Variants in PCDHGA4 observed in about 807,000 individuals in gnomAD.
PCDHGA4 encodes the protein protocadherin gamma subfamily A, 4.
PCDHGA4 carries 38 observed loss-of-function variants against 54.6 expected under a neutral mutation model. That is an observed-to-expected ratio of 0.70 (90% CI 0.54 to 0.91). PCDHGA4 has a LOEUF of 0.91. Ranked by LOEUF, PCDHGA4 falls within the 40% of genes least tolerant of loss-of-function variation. The pLI is 0.00. For synonymous variants in PCDHGA4, 511 were observed against 512.9 expected, an observed-to-expected ratio of 1.00 and a Z score of 0.05; for missense variants, 1,298 against 1,220.9, an observed-to-expected ratio of 1.06 and a Z score of -0.94.
chr5:141,497,892 C>T (rs2099780275), intron 2 of PCDHGA4, among the ~76,000 whole-genome samples: 1 of 152,138 alleles, frequency 6.6e-6, no homozygotes, highest in Admixed American at 6.6e-5. Flanking sequence ...AGGATCTAGT[C>T]CAGTAACTTC....
chr5:141,462,617 T>C (rs1413543706), intron 1 of PCDHGA4, among the ~76,000 whole-genome samples: 1 of 151,850 alleles, frequency 6.6e-6, no homozygotes, highest in East Asian at 1.9e-4. Context: ...TTTTCACTTT[T>C]AGAAGTTCCA....
chr5:141,404,466 TCTCTATTAA>T, intron 1 of PCDHGA4: 5 of 1,613,558 alleles, frequency 3.1e-6, no homozygotes, highest in Non-Finnish European at 4.2e-6. Context: ...TCCACCTATG[TCTCTATTAA>T]CTCAGACACT....
chr5:141,442,930 T>C (rs77210959), intron 1 of PCDHGA4, among the ~76,000 whole-genome samples: 6,420 of 152,302 alleles, frequency 0.042, 216 homozygotes, highest in African/African-American at 0.092. Flanking sequence ...TCATTTTCTA[T>C]TTAAGAAACT....
chr5:141,497,210 G>T (rs988856908), intron 2 of PCDHGA4, among the ~76,000 whole-genome samples: 1 of 28,140 alleles, frequency 3.6e-5, no homozygotes, highest in African/African-American at 1.1e-3. Context: ...TGAGTGTAAT[G>T]GGGGGGGGAA....
chr5:141,371,867 C>A (rs1452583584), intron 1 of PCDHGA4: 14 of 1,613,430 alleles, frequency 8.7e-6, no homozygotes, highest in Non-Finnish European at 1.0e-5. Context: ...CCTACTACAT[C>A]GTGGCCAGTG....
chr5:141,476,271 C>T lies in PCDHGA4; in HGVS notation c.2515-18536C>T. Reference sequence around the variant, plus strand: ...GGTTTCGCTGTGGGCAACGTGGTCGCGAACCTTGGTTTGGATCTCGGTAGC... The same window carrying T: ...GGTTTCGCTGTGGGCAACGTGGTCGTGAACCTTGGTTTGGATCTCGGTAGC... On this transcript the variant is annotated intron_variant, in intron 1 of 3. Coordinates refer to ENST00000571252, the MANE Select transcript of PCDHGA4 (RefSeq NM_018917.4). This position sits in a 1 kb window ranked among gnomAD's most constrained non-coding sequence, Gnocchi z 7.6. 4 of 1,613,892 alleles carry T rather than the reference C, an allele frequency of 2.5e-6. No homozygotes were observed. The highest frequency in any genetic ancestry group is 3.4e-6 in the Non-Finnish European group (4 of 1,179,974).
chr5:141,471,564 T>C (rs1352708320), intron 1 of PCDHGA4: 1 of 152,184 alleles, frequency 6.6e-6, no homozygotes, highest in African/African-American at 2.4e-5. Context: ...GACTCAGGGG[T>C]AGCAGTAGAT....
At chr5:141,418,667 G>A (rs1561775322) in intron 1 of PCDHGA4, 1 of 1,614,036 alleles carries the variant, frequency 6.2e-7, no homozygotes, top group Admixed American at 1.7e-5. Flanking sequence ...CACTGACCAG[G>A]ACGAGGGCAT....
At chr5:141,394,094 A>C (rs759909698) in intron 1 of PCDHGA4, 5 of 1,613,934 alleles carry the variant, frequency 3.1e-6, no homozygotes, top group Non-Finnish European at 3.4e-6. Flanking sequence ...CCTCAGATCT[A>C]GGAACACCAC....
intron 1 of PCDHGA4, among the ~76,000 whole-genome samples, chr5:141,445,248 T>C (rs1264046214): frequency 6.6e-6 from 1 of 152,224 alleles, no homozygotes; most frequent in African/African-American, 2.4e-5. Flanking sequence ...CACTATATTG[T>C]GTGAGAATAT....
intron 1 of PCDHGA4, among the ~76,000 whole-genome samples, chr5:141,439,689 A>G (rs1193986599): frequency 6.6e-6 from 1 of 152,218 alleles, no homozygotes; most frequent in Non-Finnish European, 1.5e-5. Flanking sequence ...CAGACCCACA[A>G]CATTCCTATT....
intron 1 of PCDHGA4, among the ~76,000 whole-genome samples, chr5:141,447,984 G>C (rs1300057273): frequency 6.6e-6 from 1 of 151,952 alleles, no homozygotes; most frequent in African/African-American, 2.4e-5. Context: ...TACTCGGGAG[G>C]CTGAGGCATG....
Position 141,487,767 on chromosome 5 carries a change from T to G in PCDHGA4, c.2515-7040T>G, listed in dbSNP as rs2099665569. The G allele has an allele frequency of 5.2e-6, 8 of 1,538,298 alleles. No homozygotes were observed. The African/African-American group carries it at 9.6e-5, about 18-fold the overall frequency. On this transcript the variant is annotated intron_variant, in intron 1 of 3. Transcript: ENST00000571252. This position sits in a 1 kb window ranked among gnomAD's most constrained non-coding sequence, Gnocchi z 5.0. ...GGTAACTATGTGGTAGACGCTGTGC[T>G]TTGTAACTGTTTCGTGAATTAACCA... is the stretch of plus-strand genomic sequence containing the variant.
chr5:141,422,422 T>TA, intron 1 of PCDHGA4: 1 of 1,607,804 alleles, frequency 6.2e-7, no homozygotes, highest in Non-Finnish European at 8.5e-7. Flanking sequence ...AGAAAAGACT[T>TA]ATGGAAATTA....
At chr5:141,492,560 G>T (rs2099742000) in intron 1 of PCDHGA4, among the ~76,000 whole-genome samples, 1 of 152,156 alleles carries the variant, frequency 6.6e-6, no homozygotes, top group Non-Finnish European at 1.5e-5. Context: ...CCTGGGGGGC[G>T]GCCTGAGCGA....
chr5:141,361,201 C>T, intron 1 of PCDHGA4: 1 of 1,613,980 alleles, frequency 6.2e-7, no homozygotes, highest in Non-Finnish European at 8.5e-7. Flanking sequence ...ATCTACTCCC[C>T]TACCGGAGGA....
At chr5:141,395,374 T>G (rs145897132) in intron 1 of PCDHGA4, 6 of 1,187,780 alleles carry the variant, frequency 5.1e-6, no homozygotes, top group Non-Finnish European at 6.9e-6. Flanking sequence ...ATTTTGGTGG[T>G]GTTACTATAA....
chr5:141,458,674 A>G (rs1315462699), intron 1 of PCDHGA4, among the ~76,000 whole-genome samples: 1 of 152,104 alleles, frequency 6.6e-6, no homozygotes, highest in East Asian at 1.9e-4. Flanking sequence ...GGTTCAAGCA[A>G]TTCTACTGCC....
rs1396618267 is a variant in PCDHGA4, at chr5:141,421,234, A to T, written c.2514+63613A>T. On this transcript the variant is annotated intron_variant, in intron 1 of 3. Coordinates refer to ENST00000571252, the MANE Select transcript of PCDHGA4 (RefSeq NM_018917.4). ...TATCGGCTTAGAGCCTGCCATGGCG[A>T]ATCGGCTACAGCGCGGGGACCGCAG... 7 of 1,593,656 alleles carry T rather than the reference A, an allele frequency of 4.4e-6. No homozygotes were observed. In the African/African-American group the frequency reaches 9.4e-5, roughly 21 times the overall value.
Sources: gnomAD v4.1 joint callset for allele counts (sites outside exome capture counted in the v4.1 genomes callset) on GRCh38, gnomAD v4.1.1 for gene constraint, Gnocchi (gnomAD v3.1) non-coding constraint, MANE v1.5 for transcripts, NCBI Gene and HGNC (gene_info 2026-07-23, HGNC 2026-07-21) for gene names.